TMTC2: variants seen among roughly 807,000 people sequenced by gnomAD.
TMTC2 encodes protein O-mannosyl-transferase TMTC2.
A neutral mutation model predicts 82.4 loss-of-function variants in TMTC2; 43 were observed. That is an observed-to-expected ratio of 0.52 (90% CI 0.41 to 0.67). The LOEUF (loss-of-function observed/expected upper bound fraction) is 0.67. TMTC2 is among the 30% of genes least tolerant of loss of function. TMTC2 has a pLI of 0.00. For missense variants in TMTC2, 919 were observed against 1,012.4 expected (o/e 0.91, Z 1.25); for synonymous variants, 408 against 381.9 (o/e 1.07, Z -0.80).
intron 1 of TMTC2, among the ~76,000 whole-genome samples, 174 bp from the exon 2 acceptor site, chr12:82,856,836 T>C (rs1338272298): frequency 1.3e-5 from 2 of 152,174 alleles, no homozygotes; most frequent in Non-Finnish European, 2.9e-5. Flanking sequence ...ACCCTCATTG[T>C]GGTTTTAGTA....
At chr12:83,065,222 C>G (rs1882875344) in intron 11 of TMTC2, among the ~76,000 whole-genome samples, 1 of 151,850 alleles carries the variant, frequency 6.6e-6, no homozygotes. Context: ...TATTCCATTT[C>G]TTCAATATGT....
intron 1 of TMTC2, among the ~76,000 whole-genome samples, chr12:82,695,292 AG>A (rs1423713138): frequency 1.3e-5 from 2 of 152,238 alleles, no homozygotes; most frequent in Non-Finnish European, 2.9e-5. Context: ...AAATTTTTAC[AG>A]CTGTGTCTTA....
chr12:82,959,616 G>A (rs1397112421), intron 4 of TMTC2, among the ~76,000 whole-genome samples: 4 of 152,068 alleles, frequency 2.6e-5, no homozygotes, highest in African/African-American at 9.7e-5. Context: ...TAGCTGGCTA[G>A]CCATATGCAT....
In TMTC2 at chr12:82,874,101, C is replaced by G. The variant is rs567805820; in HGVS notation, c.654+16521C>G. On this transcript the variant is annotated intron_variant, in intron 2 of 11. Transcript: ENST00000321196. ...CTGCACCTTTGCGTCCAGCTGGTAG[C>G]CTTTTTCTAGATTAATTAAGTGAAA... Among the ~76,000 whole-genome samples, 3 of 152,274 alleles carry G rather than the reference C, an allele frequency of 2.0e-5. No individual in the cohort carries two copies. In the South Asian group the frequency reaches 6.2e-4, roughly 32 times the overall value.
At position 82,731,098 on chromosome 12, in the gene TMTC2, T is replaced by C. The variant is rs147241908; in HGVS notation, c.83+43429T>C. ...AATTTAGAATCAAGTGCTAGACTTA[T>C]CGGTGTTTATACATTCAACAAATGA... On this transcript the variant is annotated intron_variant, in intron 1 of 11. Coordinates refer to ENST00000321196, the MANE Select transcript of TMTC2 (RefSeq NM_152588.3). Among the ~76,000 whole-genome samples, 584 of 152,374 alleles carry C rather than the reference T, an allele frequency of 3.8e-3. 2 individuals carry two copies. Among genetic ancestry groups the C allele is most frequent in the African/African-American group, 0.013 (527 of 41,594 alleles).
At chr12:82,902,446 G>A (rs894827429) in intron 3 of TMTC2, among the ~76,000 whole-genome samples, 1 of 152,298 alleles carries the variant, frequency 6.6e-6, no homozygotes, top group South Asian at 2.1e-4. Context: ...GTGGTGGTTG[G>A]CCCTGTGACC....
chr12:82,832,336 T>C (rs1477770004), intron 1 of TMTC2, among the ~76,000 whole-genome samples: 1 of 147,110 alleles, frequency 6.8e-6, no homozygotes, highest in East Asian at 1.9e-4. Flanking sequence ...CTAGACTTTA[T>C]GTACAAGTTT....
intron 8 of TMTC2, among the ~76,000 whole-genome samples, chr12:83,003,486 A>G (rs1880017485): frequency 1.3e-5 from 2 of 152,014 alleles, no homozygotes; most frequent in African/African-American, 4.8e-5. Context: ...TGTAGACTTG[A>G]TTGTATAGTT....
intron 1 of TMTC2, among the ~76,000 whole-genome samples, chr12:82,838,064 A>G (rs1246218158): frequency 6.6e-6 from 1 of 152,206 alleles, no homozygotes. Context: ...GGAAATCTAG[A>G]AAGTTCTTCA....
chr12:82,713,724 C>T (rs1017191833), intron 1 of TMTC2, among the ~76,000 whole-genome samples: 1 of 152,170 alleles, frequency 6.6e-6, no homozygotes, highest in Admixed American at 6.5e-5. Flanking sequence ...GGTGGGGACA[C>T]AGCCAAACCA....
intron 1 of TMTC2, among the ~76,000 whole-genome samples, chr12:82,777,243 A>G (rs1408601004): frequency 6.6e-6 from 1 of 152,164 alleles, no homozygotes; most frequent in Non-Finnish European, 1.5e-5. Context: ...TAACCATAGT[A>G]GAATAGTGGG....
intron 3 of TMTC2, among the ~76,000 whole-genome samples, chr12:82,903,730 A>G (rs1251840147): frequency 6.6e-6 from 1 of 152,012 alleles, no homozygotes; most frequent in East Asian, 1.9e-4. Context: ...TTACATTTTA[A>G]AAAATGGCAT....
Position 83,000,163 on chromosome 12 carries a change from C to T in TMTC2, c.2070+14117C>T, listed in dbSNP as rs183132570. Among the ~76,000 whole-genome samples the T allele has an allele frequency of 4.3e-4, 65 of 151,806 alleles. No individual in the cohort carries two copies. In the East Asian group the frequency reaches 0.011, roughly 25 times the overall value. On this transcript the variant is annotated intron_variant, in intron 8 of 11. Transcript: ENST00000321196. ...TCAATTTTTTTTTTTGAGGCAGATT[C>T]TCGCTCTGTCGCCCAGGCTGGAGTG...
chr12:82,836,686 G>A (rs918678974), intron 1 of TMTC2, among the ~76,000 whole-genome samples: 1 of 152,184 alleles, frequency 6.6e-6, no homozygotes, highest in Non-Finnish European at 1.5e-5. Context: ...TTATCACTAA[G>A]TGGATGGTAA....
intron 2 of TMTC2, among the ~76,000 whole-genome samples, chr12:82,863,205 C>T (rs537570587): frequency 3.9e-5 from 6 of 152,116 alleles, no homozygotes; most frequent in African/African-American, 1.4e-4. Context: ...ATATATTTAC[C>T]GTTTGTGATT....
At chr12:82,697,034 A>T (rs1219183076) in intron 1 of TMTC2, among the ~76,000 whole-genome samples, 2 of 150,944 alleles carry the variant, frequency 1.3e-5, no homozygotes, top group Non-Finnish European at 1.5e-5. Flanking sequence ...TGTGGGAAAC[A>T]CATATGGACT....
chr12:82,985,396 G>A lies in TMTC2; in HGVS notation c.1949-529G>A, dbSNP rs192594359. On this transcript the variant is annotated intron_variant, in intron 7 of 11. Transcript: ENST00000321196. The stretch of plus-strand genomic sequence containing the variant: ...ATAAAATTCAAATAGTTTCTTTAAA[G>A]AAATTAGCAGCAGTGTTTAATCTAA... Among the ~76,000 whole-genome samples the A allele has an allele frequency of 1.2e-4, 18 of 152,242 alleles. No individual in the cohort carries two copies. The East Asian group carries it at 3.5e-3, about 29-fold the overall frequency.
intron 1 of TMTC2, among the ~76,000 whole-genome samples, chr12:82,812,363 A>G (rs923012187): frequency 6.6e-6 from 1 of 152,106 alleles, no homozygotes; most frequent in African/African-American, 2.4e-5. Flanking sequence ...AAAGAATCCC[A>G]TAAGAAGTAA....
intron 1 of TMTC2, among the ~76,000 whole-genome samples, chr12:82,854,470 G>C (rs1871149143): frequency 6.6e-6 from 1 of 152,160 alleles, no homozygotes; most frequent in South Asian, 2.1e-4. Flanking sequence ...AGGAGGGTAG[G>C]GGTGGAGGGG....
Sources: allele counts gnomAD v4.1 joint callset (sites outside exome capture counted in the v4.1 genomes callset), GRCh38; gene constraint gnomAD v4.1.1; transcripts MANE v1.5; gene names NCBI Gene and HGNC (gene_info 2026-07-23, HGNC 2026-07-21).